PRKCH: variants seen among roughly 807,000 people sequenced by gnomAD.
The protein encoded by PRKCH is protein kinase C eta type.
A neutral mutation model predicts 82.5 loss-of-function variants in PRKCH; 28 were observed. That is an observed-to-expected ratio of 0.34 (90% CI 0.25 to 0.47). The LOEUF (loss-of-function observed/expected upper bound fraction) is 0.47. PRKCH is among the 20% of genes least tolerant of loss of function. PRKCH has a pLI of 1.00. For synonymous variants in PRKCH, 322 were observed against 327.4 expected, an observed-to-expected ratio of 0.98 and a Z score of 0.18; for missense variants, 705 against 881.8, an observed-to-expected ratio of 0.80 and a Z score of 2.54.
At chr14:61,390,014 A>G (rs568407207) in intron 1 of PRKCH, among the ~76,000 whole-genome samples, 5 of 152,214 alleles carry the variant, frequency 3.3e-5, no homozygotes, top group Non-Finnish European at 7.3e-5. Flanking sequence ...AAAGAAAGAG[A>G]AAAATAAAAT....
chr14:61,431,169 A>G (rs1883374870), intron 2 of PRKCH, among the ~76,000 whole-genome samples: 1 of 96,562 alleles, frequency 1.0e-5, no homozygotes, highest in South Asian at 3.9e-4. Context: ...GGAACACTCA[A>G]TTGGTAAGGG....
rs934322388 is a variant in PRKCH, at chr14:61,378,169, C to T, written c.364-13056C>T. On this transcript the variant is annotated intron_variant, in intron 1 of 13. Coordinates refer to ENST00000332981, the MANE Select transcript of PRKCH (RefSeq NM_006255.5). ...GGGTCTCACTTCCCAGGTAAAGCTT[C>T]GCCCTAGCCCAGTGATTGCTCCTCT... Among the ~76,000 whole-genome samples, 34 of 151,964 alleles carry T rather than the reference C, an allele frequency of 2.2e-4. 1 individual carries two copies. Among genetic ancestry groups the T allele is most frequent in the Admixed American group, 9.2e-4 (14 of 15,256 alleles).
chr14:61,237,632 C>T (rs1254302649), intron 1 of PRKCH, among the ~76,000 whole-genome samples: 1 of 151,902 alleles, frequency 6.6e-6, no homozygotes, highest in African/African-American at 2.4e-5. Flanking sequence ...TAGATAAACT[C>T]TTTCAATCAA....
chr14:61,404,855 G>A (rs948865763), intron 2 of PRKCH, among the ~76,000 whole-genome samples: 16 of 152,194 alleles, frequency 1.1e-4, no homozygotes, highest in Non-Finnish European at 1.9e-4. Flanking sequence ...AAGGGTTGCA[G>A]CAGGGAGAGG....
At chr14:61,394,253 A>G (rs1343201537) in intron 2 of PRKCH, among the ~76,000 whole-genome samples, 1 of 103,810 alleles carries the variant, frequency 9.6e-6, no homozygotes, top group Non-Finnish European at 2.1e-5. Flanking sequence ...GCAGAAACCT[A>G]GAATACTTGA....
intron 1 of PRKCH, among the ~76,000 whole-genome samples, chr14:61,313,589 TTGATAAAGA>T (rs1478892300): frequency 6.6e-6 from 1 of 152,126 alleles, no homozygotes; most frequent in Non-Finnish European, 1.5e-5. Flanking sequence ...TCTCATGCTG[TTGATAAAGA>T]CATACCCGAG....
chr14:61,334,440 G>A (rs1011951381), intron 1 of PRKCH, among the ~76,000 whole-genome samples: 2 of 152,146 alleles, frequency 1.3e-5, no homozygotes, highest in South Asian at 2.1e-4. Context: ...CACTGTCTGC[G>A]AAGGACAGGT....
chr14:61,240,744 C>T (rs2044830009), intron 1 of PRKCH, among the ~76,000 whole-genome samples: 1 of 151,898 alleles, frequency 6.6e-6, no homozygotes, highest in African/African-American at 2.4e-5. Context: ...ATATTTATCA[C>T]CCTCCACCCA....
chr14:61,348,126 C>A (rs567911552), intron 1 of PRKCH: 23 of 152,340 alleles, frequency 1.5e-4, no homozygotes, highest in African/African-American at 5.5e-4. Flanking sequence ...TCTCTTTGTA[C>A]AACTTCCCAA....
At chr14:61,346,916 ATCTTT>A (rs1186585275) in intron 1 of PRKCH, among the ~76,000 whole-genome samples, 19 of 152,340 alleles carry the variant, frequency 1.2e-4, no homozygotes, top group African/African-American at 4.3e-4. Context: ...TTTCACATCC[ATCTTT>A]TCATTCCCTC....
At chr14:61,456,987 A>C in intron 7 of PRKCH, 189 bp from the exon 8 acceptor site, 1 of 598,750 alleles carries the variant, frequency 1.7e-6, no homozygotes. Context: ...CAAAGCAGTA[A>C]GCACAGATTC....
At chr14:61,317,271 T>C (rs985467846), upstream of PRKCH, among the ~76,000 whole-genome samples, 3 of 152,238 alleles carry the variant, frequency 2.0e-5, no homozygotes, top group East Asian at 5.8e-4. Flanking sequence ...GCTCTCACTC[T>C]CCTTCCCATC....
chr14:61,470,771 C>T lies in PRKCH; in HGVS notation c.1278+13092C>T, dbSNP rs563870479. On this transcript the variant is annotated intron_variant, in intron 9 of 13. Transcript: ENST00000332981. ...TTAATTCCATTCTTGTGGTATATGA[C>T]GTTCTAAACATTAAAATGATGTAAT... Among the ~76,000 whole-genome samples, 221 of 152,284 alleles carry T rather than the reference C, an allele frequency of 1.5e-3. 1 individual carries two copies. Among genetic ancestry groups the T allele is most frequent in the Non-Finnish European group, 8.2e-4 (56 of 68,016 alleles).
intron 4 of PRKCH, among the ~76,000 whole-genome samples, chr14:61,447,465 T>G (rs1303801870): frequency 6.6e-6 from 1 of 152,196 alleles, no homozygotes; most frequent in African/African-American, 2.4e-5. Flanking sequence ...TATAGAATAC[T>G]TCATCCAACA....
intron 1 of PRKCH, among the ~76,000 whole-genome samples, chr14:61,230,088 C>G (rs189987812): frequency 1.3e-5 from 2 of 152,028 alleles, no homozygotes; most frequent in Admixed American, 1.3e-4. Flanking sequence ...TTTTAACATT[C>G]AGTGAAAAAA....
intron 1 of PRKCH, among the ~76,000 whole-genome samples, chr14:61,258,742 A>G (rs906749774): frequency 3.9e-5 from 6 of 152,214 alleles, no homozygotes; most frequent in African/African-American, 1.4e-4. Context: ...CCAGGACTTT[A>G]TATTTGCAAA....
intron 1 of PRKCH, among the ~76,000 whole-genome samples, chr14:61,210,081 A>G (rs1374935061): frequency 7.0e-6 from 1 of 142,786 alleles, no homozygotes; most frequent in Admixed American, 7.1e-5. Flanking sequence ...TACTAAAACA[A>G]AAACAAAAAA....
At chr14:61,409,627 T>C (rs990570691) in intron 2 of PRKCH, among the ~76,000 whole-genome samples, 3 of 149,134 alleles carry the variant, frequency 2.0e-5, no homozygotes, top group African/African-American at 7.5e-5. Context: ...CCCAGAGGTT[T>C]GAGGCTGCAG....
At chr14:61,468,204 T>C (rs1024613091) in intron 9 of PRKCH, among the ~76,000 whole-genome samples, 1 of 152,236 alleles carries the variant, frequency 6.6e-6, no homozygotes, top group African/African-American at 2.4e-5. Flanking sequence ...GAGCAGTGGC[T>C]GCTACAAATA....
Sources: allele counts gnomAD v4.1 joint callset (sites outside exome capture counted in the v4.1 genomes callset), GRCh38; gene constraint gnomAD v4.1.1; transcripts MANE v1.5; gene names NCBI Gene and HGNC (gene_info 2026-07-23, HGNC 2026-07-21).